The following PAX3 variants were observed in gnomAD, a reference collection of about 807,000 sequenced individuals.
PAX3 encodes the protein paired box protein Pax-3.
In PAX3, 14 loss-of-function variants were observed where a neutral mutation model predicts 51.6. The ratio of observed to expected loss-of-function variants is 0.27; its 90% CI spans 0.18 to 0.42. The LOEUF (loss-of-function observed/expected upper bound fraction) is 0.42. Ranked by LOEUF, PAX3 falls within the 10% of genes least tolerant of loss-of-function variation. The pLI is 1.00. For synonymous variants in PAX3, 280 were observed against 253.4 expected (o/e 1.11, Z -1.00); for missense variants, 540 against 642.8 (o/e 0.84, Z 1.73).
intron 7 of PAX3, among the ~76,000 whole-genome samples, chr2:222,213,933 T>C (rs1402008193): frequency 1.3e-5 from 2 of 152,172 alleles, no homozygotes; most frequent in Non-Finnish European, 2.9e-5. Flanking sequence ...TGAACCTTAT[T>C]GCTTTGACCT....
chr2:222,268,076 A>G (rs762618392), intron 4 of PAX3, among the ~76,000 whole-genome samples: 2 of 152,222 alleles, frequency 1.3e-5, no homozygotes, highest in Non-Finnish European at 2.9e-5. Flanking sequence ...CTTTAGATCT[A>G]TTACTGTCCC....
At chr2:222,235,954 T>C (rs1004787191) in intron 4 of PAX3, among the ~76,000 whole-genome samples, 1 of 152,162 alleles carries the variant, frequency 6.6e-6, no homozygotes. Context: ...TTTCAGAAGA[T>C]GTTGAGGAAA....
intron 4 of PAX3, among the ~76,000 whole-genome samples, chr2:222,280,234 AGG>A (rs1694591730): frequency 6.9e-6 from 1 of 144,788 alleles, no homozygotes; most frequent in Non-Finnish European, 1.5e-5. Flanking sequence ...AAAGAGAGAG[AGG>A]GAGAAAGAAA....
intron 4 of PAX3, among the ~76,000 whole-genome samples, chr2:222,241,833 G>A (rs1411257270): frequency 2.6e-5 from 4 of 152,144 alleles, no homozygotes; most frequent in African/African-American, 9.7e-5. Flanking sequence ...AATTAAATAT[G>A]CATTTCTAAG....
intron 4 of PAX3, among the ~76,000 whole-genome samples, chr2:222,269,932 A>T (rs557393348): frequency 1.3e-5 from 2 of 152,240 alleles, no homozygotes; most frequent in African/African-American, 4.8e-5. Flanking sequence ...CTTTTAGTAG[A>T]AAGAATTTAG....
intron 4 of PAX3, among the ~76,000 whole-genome samples, chr2:222,244,664 G>A (rs1264607283): frequency 6.7e-6 from 1 of 148,336 alleles, no homozygotes; most frequent in East Asian, 2.0e-4. Context: ...TGTACAATAA[G>A]CATGATCCAA....
At chr2:222,286,972 C>CATA (rs1694854353) in intron 4 of PAX3, among the ~76,000 whole-genome samples, 1 of 152,332 alleles carries the variant, frequency 6.6e-6, no homozygotes, top group East Asian at 1.9e-4. Flanking sequence ...GATAACTGTG[C>CATA]ATATTCCAAC....
At chr2:222,295,039 C>T (rs1050739412) in intron 3 of PAX3, among the ~76,000 whole-genome samples, 38 of 151,986 alleles carry the variant, frequency 2.5e-4, no homozygotes, top group Non-Finnish European at 5.0e-4. Flanking sequence ...GTGCTTGCCC[C>T]TCTTCTCCCT....
At chr2:222,203,056 T>TATATA (rs3997677) in intron 7 of PAX3, among the ~76,000 whole-genome samples, 4 of 114,820 alleles carry the variant, frequency 3.5e-5, no homozygotes, top group South Asian at 2.7e-4. Flanking sequence ...TATATATATA[T>TATATA]GAAGTGTTAA....
At chr2:222,257,728 C>T (rs1434146201) in intron 4 of PAX3, among the ~76,000 whole-genome samples, 3 of 152,172 alleles carry the variant, frequency 2.0e-5, no homozygotes, top group African/African-American at 7.2e-5. Context: ...GAGGGCCCTT[C>T]GCATCTGACA....
chr2:222,249,504 A>G (rs905805526), intron 4 of PAX3, among the ~76,000 whole-genome samples: 1 of 152,184 alleles, frequency 6.6e-6, no homozygotes, highest in South Asian at 2.1e-4. Context: ...GTTTCAAAAA[A>G]GGTTTGAGTA....
chr2:222,209,212 T>G (rs370451482), intron 7 of PAX3, among the ~76,000 whole-genome samples: 9 of 152,222 alleles, frequency 5.9e-5, no homozygotes, highest in African/African-American at 2.2e-4. Context: ...GGAAATTTCT[T>G]CTTTCTTTCA....
At chr2:222,258,210 T>A (rs1320263285) in intron 4 of PAX3, among the ~76,000 whole-genome samples, 2 of 152,216 alleles carry the variant, frequency 1.3e-5, no homozygotes, top group African/African-American at 4.8e-5. Flanking sequence ...AAAAACAATA[T>A]ATTTGTCTGC....
At position 222,205,953 on chromosome 2, in the gene PAX3, C is replaced by T. The variant is rs75502214; in HGVS notation, c.1174-3763G>A. Among the ~76,000 whole-genome samples the T allele has an allele frequency of 1.1e-4, 17 of 152,242 alleles. No individual in the cohort carries two copies. In the East Asian group the frequency reaches 2.9e-3, roughly 26 times the overall value. On this transcript the variant is annotated intron_variant, in intron 7 of 8. Coordinates refer to ENST00000392070, the MANE Select transcript of PAX3 (RefSeq NM_181458.4). ...TCCAATATGGTTATGGAATGTCTTCCAGTCACATTTTCTTTTTAAGAATAA... is the reference window on the plus strand; with the variant it reads ...TCCAATATGGTTATGGAATGTCTTCTAGTCACATTTTCTTTTTAAGAATAA...
chr2:222,201,301 C>T lies in PAX3; in HGVS notation c.*107G>A, dbSNP rs949088105. The T allele has an allele frequency of 2.5e-5, 41 of 1,611,272 alleles. No individual in the cohort carries two copies. The highest frequency in any genetic ancestry group is 3.2e-5 in the Non-Finnish European group (38 of 1,178,654). ...CTCCTATTGGGACCACTGCCCCACC[C>T]CCCCCAACAAAAGGGTAATTTTTTT... is the stretch of plus-strand genomic sequence containing the variant. On this transcript the variant is annotated 3_prime_UTR_variant, in exon 9 of 9. Transcript: ENST00000392070.
At chr2:222,201,543 T>C in intron 8 of PAX3, 101 bp from the exon 9 acceptor site, 1 of 1,486,112 alleles carries the variant, frequency 6.7e-7, no homozygotes, top group Non-Finnish European at 9.4e-7. Flanking sequence ...AATACCGTGC[T>C]ATCAAAGGCT....
At chr2:222,293,676 A>C (rs375765093) in intron 4 of PAX3, 1 of 1,614,130 alleles carries the variant, frequency 6.2e-7, no homozygotes, top group East Asian at 2.2e-5. Context: ...ATGTGGGGGC[A>C]ATTTTGGAGG....
chr2:222,246,010 T>C (rs1341302511), intron 4 of PAX3, among the ~76,000 whole-genome samples: 2 of 151,766 alleles, frequency 1.3e-5, no homozygotes, highest in Non-Finnish European at 2.9e-5. Context: ...GAGAGAAGGA[T>C]CAACTTTCCT....
In PAX3 at chr2:222,201,202, C is replaced by G; in HGVS notation, c.*206G>C. 1 of 1,614,068 alleles carries G rather than the reference C, an allele frequency of 6.2e-7. No individual in the cohort carries two copies. The highest frequency in any genetic ancestry group is 1.1e-5 in the South Asian group (1 of 91,080). On this transcript the variant is annotated 3_prime_UTR_variant, in exon 9 of 9. Coordinates refer to ENST00000392070, the MANE Select transcript of PAX3 (RefSeq NM_181458.4). ...TTGCTCCAGGTCTTCCTCTTCTCCA[C>G]TGCTTTTGTCGAACGTGTTCAAAAG...
Sources: gnomAD v4.1 joint callset for allele counts (sites outside exome capture counted in the v4.1 genomes callset) on GRCh38, gnomAD v4.1.1 for gene constraint, MANE v1.5 for transcripts, NCBI Gene and HGNC (gene_info 2026-07-23, HGNC 2026-07-21) for gene names.